The following RYR2 variants were observed in gnomAD, a reference collection of about 807,000 sequenced individuals.
RYR2 encodes the protein ryanodine receptor 2.
RYR2 carries 227 observed loss-of-function variants against 601.1 expected under a neutral mutation model. That is an observed-to-expected ratio of 0.38 (90% CI 0.34 to 0.42). RYR2 has a LOEUF of 0.42. RYR2 is among the 10% of genes least tolerant of loss of function. RYR2 has a pLI of 1.00. For missense variants in RYR2, 4,646 were observed against 6,156.5 expected (o/e 0.75, Z 8.21); for synonymous variants, 2,223 against 2,175.1 (o/e 1.02, Z -0.61).
At chr1:237,668,348 A>G (rs889054364) in intron 58 of RYR2, among the ~76,000 whole-genome samples, 1 of 152,098 alleles carries the variant, frequency 6.6e-6, no homozygotes, top group East Asian at 1.9e-4. Context: ...TGTCTCTTAC[A>G]TGCTTTTGCT....
intron 89 of RYR2, among the ~76,000 whole-genome samples, chr1:237,782,275 T>C (rs765383669): frequency 4.6e-5 from 7 of 151,602 alleles, no homozygotes; most frequent in African/African-American, 9.7e-5. Flanking sequence ...CTGGCTTCCT[T>C]ACCTCTGGGA....
At chr1:237,047,666 T>C (rs1242015937) in intron 1 of RYR2, among the ~76,000 whole-genome samples, 1 of 152,182 alleles carries the variant, frequency 6.6e-6, no homozygotes, top group Non-Finnish European at 1.5e-5. Flanking sequence ...TTAGATTCCT[T>C]CTCAAGCTCT....
rs561600871 is a variant in RYR2, at chr1:237,544,312, A to G, written c.2907-4119A>G. Among the ~76,000 whole-genome samples the G allele has an allele frequency of 9.2e-5, 14 of 152,292 alleles. No homozygotes were observed. In the East Asian group the frequency reaches 2.7e-3, roughly 29 times the overall value. ...AAAGCTACTTATACCTGTTCAGTAA[A>G]TAAATTGGAGGAGAGAAAAGTCTGT... On this transcript the variant is annotated intron_variant, in intron 25 of 104. Coordinates refer to ENST00000366574, the MANE Select transcript of RYR2 (RefSeq NM_001035.3).
chr1:237,723,855 T>C (rs1188696788), intron 74 of RYR2, among the ~76,000 whole-genome samples: 1 of 152,092 alleles, frequency 6.6e-6, no homozygotes, highest in African/African-American at 2.4e-5. Context: ...CAAAGCTCAG[T>C]TTGATATTCA....
chr1:237,811,231 G>A (rs1661219575), intron 100 of RYR2, among the ~76,000 whole-genome samples: 2 of 152,252 alleles, frequency 1.3e-5, no homozygotes, highest in South Asian at 2.1e-4. Flanking sequence ...GAACATACAG[G>A]TGGCTGACCT....
chr1:237,149,432 G>A (rs1350855999), intron 1 of RYR2, among the ~76,000 whole-genome samples: 1 of 152,194 alleles, frequency 6.6e-6, no homozygotes, highest in Non-Finnish European at 1.5e-5. Flanking sequence ...CAGTTTACAA[G>A]GGTGTGTTGA....
At chr1:237,771,635 T>A (rs1266837639) in intron 85 of RYR2, among the ~76,000 whole-genome samples, 1 of 152,158 alleles carries the variant, frequency 6.6e-6, no homozygotes, top group Non-Finnish European at 1.5e-5. Flanking sequence ...TTATCTTGGC[T>A]GACCCCAGCA....
At chr1:237,510,650 CCTT>C (rs1390611290) in intron 23 of RYR2, among the ~76,000 whole-genome samples, 1 of 152,138 alleles carries the variant, frequency 6.6e-6, no homozygotes, top group Non-Finnish European at 1.5e-5. Flanking sequence ...ATGTTTCTGT[CCTT>C]CTCATGTGGC....
intron 1 of RYR2, among the ~76,000 whole-genome samples, chr1:237,047,253 TTC>T (rs917668995): frequency 3.3e-5 from 5 of 152,152 alleles, no homozygotes; most frequent in African/African-American, 1.2e-4. Context: ...CTTCATAGAG[TTC>T]TGTCTCCAAA....
intron 21 of RYR2, among the ~76,000 whole-genome samples, chr1:237,502,099 A>G (rs1268412183): frequency 6.6e-6 from 1 of 152,200 alleles, no homozygotes; most frequent in Non-Finnish European, 1.5e-5. Flanking sequence ...TGGAGGCTGT[A>G]GTAACCTGTG....
intron 12 of RYR2, among the ~76,000 whole-genome samples, chr1:237,437,253 C>G (rs1044002222): frequency 2.0e-5 from 3 of 151,882 alleles, no homozygotes; most frequent in Non-Finnish European, 4.4e-5. Context: ...GGGGTTTCAC[C>G]GTGTTAGCCA....
chr1:237,439,527 C>A (rs988022828), intron 12 of RYR2, among the ~76,000 whole-genome samples: 2 of 151,684 alleles, frequency 1.3e-5, no homozygotes, highest in Non-Finnish European at 2.9e-5. Flanking sequence ...GCCTGTCGTC[C>A]CAGCTACTCG....
chr1:237,117,207 A>G (rs375099203), intron 1 of RYR2, among the ~76,000 whole-genome samples: 74 of 152,282 alleles, frequency 4.9e-4, no homozygotes, highest in African/African-American at 1.7e-3. Context: ...AACTTACTTG[A>G]AAATTTTAGA....
chr1:237,350,588 A>T (rs1398848516), intron 3 of RYR2, among the ~76,000 whole-genome samples: 137 of 95,404 alleles, frequency 1.4e-3, no homozygotes, highest in African/African-American at 6.1e-3. Context: ...AAAAAAAAAA[A>T]AAAAAAAAAA....
intron 63 of RYR2, among the ~76,000 whole-genome samples, chr1:237,692,785 C>T (rs1435199645): frequency 6.6e-6 from 1 of 152,194 alleles, no homozygotes; most frequent in Non-Finnish European, 1.5e-5. Context: ...GCTTCCCTGA[C>T]CTCCTTGATA....
At chr1:237,281,215 C>A (rs762269576) in intron 2 of RYR2, among the ~76,000 whole-genome samples, 3 of 152,170 alleles carry the variant, frequency 2.0e-5, no homozygotes, top group Non-Finnish European at 4.4e-5. Context: ...GAATTACATA[C>A]CTAATTTTAT....
rs917491022 is a variant in RYR2 at position 237,172,430 on chromosome 1, C to T, written c.49-98067C>T. ...TATGTCACCTTGCTTGTTTACAGGC[C>T]ATTGTACAGAAAAAACAAAAAAGCT... On this transcript the variant is annotated intron_variant, in intron 1 of 104. Coordinates refer to ENST00000366574, the MANE Select transcript of RYR2 (RefSeq NM_001035.3). Among the ~76,000 whole-genome samples the T allele has an allele frequency of 2.2e-4, 34 of 151,554 alleles. 1 individual carries two copies. The highest frequency in any genetic ancestry group is 2.2e-3 in the Admixed American group (33 of 15,210).
chr1:237,711,907 T>G (rs564833180), intron 71 of RYR2, 70 bp downstream of exon 71: 10 of 769,910 alleles, frequency 1.3e-5, no homozygotes, highest in Admixed American at 1.3e-4. Context: ...GACTTTTTTT[T>G]TTTAGATTTT....
intron 3 of RYR2, among the ~76,000 whole-genome samples, chr1:237,348,511 T>C (rs950369482): frequency 6.6e-5 from 10 of 152,186 alleles, no homozygotes; most frequent in African/African-American, 2.2e-4. Context: ...TTATGATTAC[T>C]AGGAGAGAGG....
Sources: allele counts gnomAD v4.1 joint callset (sites outside exome capture counted in the v4.1 genomes callset), GRCh38; gene constraint gnomAD v4.1.1; transcripts MANE v1.5; gene names NCBI Gene and HGNC (gene_info 2026-07-23, HGNC 2026-07-21).